The following NIN variants were observed in gnomAD, a reference collection of about 807,000 sequenced individuals.
NIN encodes the protein glycogen synthase kinase 3 beta-interacting protein.
In NIN, 137 loss-of-function variants were observed where a neutral mutation model predicts 257.6. The observed-to-expected ratio is 0.53, with a 90% CI of 0.46 to 0.61. The LOEUF (loss-of-function observed/expected upper bound fraction) is 0.61, where lower values mean the gene tolerates loss of function less well. Among genes scored for constraint, NIN ranks in the 20% least tolerant of loss-of-function variants. NIN has a pLI of 0.00. For synonymous variants in NIN, 918 were observed against 919.8 expected, an observed-to-expected ratio of 1.00 and a Z score of 0.04; for missense variants, 2,439 against 2,501.2, an observed-to-expected ratio of 0.98 and a Z score of 0.53.
At position 50,766,837 on chromosome 14, in the gene NIN, T is replaced by C; in HGVS notation, c.1488A>G (p.Glu496=). The C allele has an allele frequency of 6.2e-7, 1 of 1,614,098 alleles. No homozygotes were observed. The highest frequency in any genetic ancestry group is 8.5e-7 in the Non-Finnish European group (1 of 1,180,000). Residue 496 remains glutamate, a synonymous_variant, in exon 13 of 31, where the codon GAA becomes GAG. Transcript: ENST00000530997. ...ELLENAEKLA[E]YENLTNKLQR... ...GAAGTTTGTTTGTCAGATTCTCATA[T>C]TCTGCCAACTTCTCTGCATTTTCTA...
intron 4 of NIN, among the ~76,000 whole-genome samples, chr14:50,793,272 G>A (rs1345091610): frequency 6.6e-6 from 1 of 151,906 alleles, no homozygotes; most frequent in East Asian, 1.9e-4. Context: ...CTTAGAAAAT[G>A]GTAATACAAC....
chr14:50,788,185 C>T (rs1282460845), intron 5 of NIN, among the ~76,000 whole-genome samples: 3 of 152,110 alleles, frequency 2.0e-5, no homozygotes, highest in Non-Finnish European at 4.4e-5. Flanking sequence ...TCTTTTCATA[C>T]ATTCTACCCA....
rs747262999 is a variant in NIN, at chr14:50,766,297, G to T, written c.1635+10C>A. 146 of 1,609,146 alleles carry T rather than the reference G, an allele frequency of 9.1e-5. No homozygotes were observed. The highest frequency in any genetic ancestry group is 1.1e-4 in the Non-Finnish European group (132 of 1,175,698). ...CTCCTGCACTTACTCAGTTCTCTTT[G>T]TCTACCTACCCTGCACTGCCGCTCA... On this transcript the variant is annotated intron_variant, in intron 14 of 30. Transcript: ENST00000530997.
intron 3 of NIN, among the ~76,000 whole-genome samples, chr14:50,810,229 T>TG (rs2044527300): frequency 2.5e-4 from 24 of 94,890 alleles, no homozygotes; most frequent in African/African-American, 1.0e-3. Context: ...AGACTCCGTC[T>TG]CAAAAAAAAA....
chr14:50,723,623 T>C lies in NIN; in HGVS notation c.6242A>G (p.Glu2081Gly), dbSNP rs1217921670. 1 of 1,613,928 alleles carries C rather than the reference T, an allele frequency of 6.2e-7. No homozygotes were observed. Among genetic ancestry groups the C allele is most frequent in the Non-Finnish European group, 8.5e-7 (1 of 1,179,820 alleles). Reference sequence around the variant, plus strand: ...CAGAGCTTTCAACAACTGGGCATTTTCAACATACAAGTCCTTCACCATTGC... The same window carrying C: ...CAGAGCTTTCAACAACTGGGCATTTCCAACATACAAGTCCTTCACCATTGC... Reference protein sequence around the residue: ...ADAMVKDLYVENAQLLKALEV... With the variant: ...ADAMVKDLYVGNAQLLKALEV... The change falls in exon 31 of 31, where the codon GAA becomes GGA. Residue 2081 changes from glutamate to glycine, a missense_variant. Transcript: ENST00000530997.
Position 50,772,340 on chromosome 14 carries a change from C to G in NIN, c.942G>C (p.Trp314Cys). The G allele has an allele frequency of 6.2e-7, 1 of 1,613,150 alleles. No homozygotes were observed. The highest frequency in any genetic ancestry group is 8.5e-7 in the Non-Finnish European group (1 of 1,179,234). Residue 314 changes from tryptophan (W) to cysteine (C), a missense_variant, in exon 9 of 31, where the codon TGG becomes TGC. Coordinates refer to ENST00000530997, the MANE Select transcript of NIN (RefSeq NM_020921.4). ...GGCTGTTCTCAATGCCCTCTTCCTGCCAGGTGTCCAGTATTCTCTCCACAG... is the reference window on the plus strand; with the variant it reads ...GGCTGTTCTCAATGCCCTCTTCCTGGCAGGTGTCCAGTATTCTCTCCACAG... ...HASVERILDT[W>C]QEEGIENSQE... is the part of the protein sequence containing the mutation.
intron 28 of NIN, among the ~76,000 whole-genome samples, chr14:50,732,045 C>T (rs183520316): frequency 2.7e-4 from 41 of 152,212 alleles, no homozygotes; most frequent in South Asian, 1.9e-3. Flanking sequence ...CTTATTGAAC[C>T]GCTCATGTTG....
At chr14:50,792,100 G>C (rs1449702869) in intron 5 of NIN, 1 of 152,190 alleles carries the variant, frequency 6.6e-6, no homozygotes, top group East Asian at 1.9e-4. Context: ...ATGAAAAGAT[G>C]GGGGATGAGG....
intron 19 of NIN, 43 bp downstream of exon 19, chr14:50,754,699 T>A (rs974227619): frequency 1.3e-6 from 2 of 1,580,344 alleles, no homozygotes; most frequent in Non-Finnish European, 1.7e-6. Context: ...AGAATTTTAG[T>A]CTTTGCAAAA....
intron 5 of NIN, among the ~76,000 whole-genome samples, chr14:50,782,140 T>C (rs559564876): frequency 2.0e-4 from 30 of 152,318 alleles, no homozygotes; most frequent in African/African-American, 7.0e-4. Context: ...TCTACTACCA[T>C]CAAGGTTATG....
At chr14:50,740,180 T>C (rs1311464314) in intron 25 of NIN, among the ~76,000 whole-genome samples, 1 of 142,520 alleles carries the variant, frequency 7.0e-6, no homozygotes, top group African/African-American at 2.5e-5. Context: ...GAAGTAATTT[T>C]AAAAATGGAA....
chr14:50,763,845 AC>A lies in NIN; in HGVS notation c.1754del (p.Gly585ValfsTer17). On this transcript the variant is annotated frameshift_variant, in exon 15 of 31. Coordinates refer to ENST00000530997, the MANE Select transcript of NIN (RefSeq NM_020921.4). LOFTEE classifies it high-confidence loss of function. ...GTTTACCGTGTTCGGGCTCAATGCC[AC>A]CGCTGTTAGCCTCAACTTCTTCTGA... Reference protein sequence around the residue: ...SPSEEVEANSGGIEPEHGLGS... With the variant: ...SPSEEVEANSXGIEPEHGLGS... 6.2e-7 allele frequency: 1 copy of A among 1,613,902 alleles called. No homozygotes were observed.
intron 3 of NIN, among the ~76,000 whole-genome samples, chr14:50,817,417 T>A (rs571791068): frequency 3.2e-4 from 49 of 152,342 alleles, no homozygotes; most frequent in African/African-American, 1.1e-3. Flanking sequence ...ACATGAAATT[T>A]ATCAAGAAAT....
In NIN at chr14:50,744,451, G is replaced by T. The variant is rs574791008; in HGVS notation, c.5065-86C>A. On this transcript the variant is annotated intron_variant, in intron 22 of 30. Coordinates refer to ENST00000530997, the MANE Select transcript of NIN (RefSeq NM_020921.4). ...TATTTCTAAATAGGGCATTTTCACA[G>T]CTGCTGCTATTTGCCTATCTGTGGA... 3 of 1,402,488 alleles carry T rather than the reference G, an allele frequency of 2.1e-6. No individual in the cohort carries two copies. In the East Asian group the frequency reaches 6.9e-5, roughly 32 times the overall value. 86.9% of individuals were successfully genotyped at this position (1,402,488 alleles called of 1,614,324 possible).
At chr14:50,737,723 C>A (rs149336574) in intron 27 of NIN, among the ~76,000 whole-genome samples, 1 of 150,268 alleles carries the variant, frequency 6.7e-6, no homozygotes, top group Non-Finnish European at 1.5e-5. Flanking sequence ...TAGCTCACTG[C>A]AACCTCCGCC....
intron 30 of NIN, among the ~76,000 whole-genome samples, chr14:50,724,986 A>G (rs1382376805): frequency 6.6e-6 from 1 of 152,180 alleles, no homozygotes. Context: ...TGCATTCTAT[A>G]TGGGCAGGGG....
chr14:50,783,502 G>A (rs1007948939), intron 5 of NIN, among the ~76,000 whole-genome samples: 2 of 152,096 alleles, frequency 1.3e-5, no homozygotes, highest in African/African-American at 2.4e-5. Context: ...TTCATTCCAA[G>A]ACCACCTCAG....
intron 3 of NIN, among the ~76,000 whole-genome samples, chr14:50,818,395 G>C (rs534370048): frequency 7.9e-5 from 12 of 151,032 alleles, no homozygotes; most frequent in Non-Finnish European, 1.8e-4. Flanking sequence ...TTCATGTCCT[G>C]ATTTCTAATA....
intron 4 of NIN, among the ~76,000 whole-genome samples, chr14:50,798,463 C>T (rs1484760758): frequency 6.6e-6 from 1 of 152,152 alleles, no homozygotes; most frequent in Non-Finnish European, 1.5e-5. Flanking sequence ...AAGGCAAGCC[C>T]CAGGGCTGAC....
Sources: allele counts gnomAD v4.1 joint callset (sites outside exome capture counted in the v4.1 genomes callset), GRCh38; gene constraint gnomAD v4.1.1; transcripts MANE v1.5; gene names NCBI Gene and HGNC (gene_info 2026-07-23, HGNC 2026-07-21).